Variants in CNOT1 observed in about 807,000 individuals in gnomAD.
CNOT1 encodes CCR4-NOT transcription complex subunit 1.
Under a neutral mutation model 273.8 loss-of-function variants are expected in CNOT1, and 15 were observed. The ratio of observed to expected loss-of-function variants is 0.05; its 90% CI spans 0.04 to 0.08. CNOT1 has a LOEUF of 0.08. CNOT1 is among the 10% of genes least tolerant of loss of function. The pLI, the probability that CNOT1 is intolerant of heterozygous loss-of-function variation, is 1.00. For synonymous variants in CNOT1, 1,022 were observed against 1,005.5 expected, an observed-to-expected ratio of 1.02 and a Z score of -0.31; for missense variants, 1,644 against 2,912.2, an observed-to-expected ratio of 0.56 and a Z score of 10.02.
At chr16:58,579,067 G>A in intron 12 of CNOT1, 128 bp from the exon 13 acceptor site, 1 of 1,451,668 alleles carries the variant, frequency 6.9e-7, no homozygotes. Context: ...TTAGAAGTTT[G>A]AAGTCCACAG....
At chr16:58,593,882 TA>T (rs1156946328) in intron 2 of CNOT1, among the ~76,000 whole-genome samples, 11 of 152,138 alleles carry the variant, frequency 7.2e-5, no homozygotes, top group African/African-American at 2.2e-4. Flanking sequence ...TATTTAGCCA[TA>T]AAAAGAAATG....
intron 39 of CNOT1, 43 bp downstream of exon 39, chr16:58,536,946 A>G (rs2039948936): frequency 6.2e-7 from 1 of 1,605,548 alleles, no homozygotes. Context: ...ATCACACCCT[A>G]CTTATGTTGA....
chr16:58,537,336 T>C (rs1029633797), intron 38 of CNOT1, 116 bp from the exon 39 acceptor site: 18 of 1,418,458 alleles, frequency 1.3e-5, no homozygotes, highest in Non-Finnish European at 1.7e-5. Context: ...ACCACTTCGC[T>C]TTACCACTTC....
At chr16:58,574,106 A>T (rs946663486) in intron 16 of CNOT1, among the ~76,000 whole-genome samples, 1 of 151,902 alleles carries the variant, frequency 6.6e-6, no homozygotes, top group African/African-American at 2.4e-5. Context: ...AAAAAAGAAG[A>T]AGAAGAAGAA....
intron 16 of CNOT1, among the ~76,000 whole-genome samples, chr16:58,562,104 G>A (rs1184352368): frequency 2.0e-5 from 3 of 151,776 alleles, no homozygotes; most frequent in African/African-American, 7.3e-5. Context: ...GGAGGCTGAG[G>A]CAGGAGAATT....
intron 1 of CNOT1, among the ~76,000 whole-genome samples, chr16:58,618,608 T>G (rs2043182188): frequency 6.6e-6 from 1 of 150,844 alleles, no homozygotes; most frequent in South Asian, 2.1e-4. Context: ...CAGGGCATGT[T>G]GGCGCACACT....
rs576448063 is a variant in CNOT1 at position 58,548,688 on chromosome 16, C to A, written c.3523-1006G>T. The A allele has an allele frequency of 1.3e-3, 620 of 469,904 alleles. 1 individual carries two copies. The highest frequency in any genetic ancestry group is 2.1e-3 in the Non-Finnish European group (510 of 239,410). The allele number at this position is 469,904 out of a possible 1,614,324, so 29.1% of individuals were successfully genotyped here. On this transcript the variant is annotated intron_variant, in intron 25 of 48. Coordinates refer to ENST00000317147, the MANE Select transcript of CNOT1 (RefSeq NM_016284.5). ...AGCAAAGAATGACCACAGCTGTATG[C>A]TGGTTCTAGAAGTTTTTCCTCCTAA... is the stretch of plus-strand genomic sequence containing the variant.
chr16:58,578,598 C>A, intron 13 of CNOT1, 101 bp downstream of exon 13: 1 of 1,490,342 alleles, frequency 6.7e-7, no homozygotes, highest in Non-Finnish European at 8.8e-7. Flanking sequence ...CATAATAATT[C>A]AGAGATGTAA....
At chr16:58,578,173 G>A (rs1374366689) in intron 13 of CNOT1, among the ~76,000 whole-genome samples, 1 of 152,068 alleles carries the variant, frequency 6.6e-6, no homozygotes, top group Non-Finnish European at 1.5e-5. Flanking sequence ...TTAAATATTG[G>A]CCGGGTGTGG....
At chr16:58,622,106 A>AAT (rs2043352484) in intron 1 of CNOT1, among the ~76,000 whole-genome samples, 2 of 150,578 alleles carry the variant, frequency 1.3e-5, no homozygotes, top group African/African-American at 2.4e-5. Context: ...AGGTCAGGAG[A>AAT]TCGAGACCAT....
chr16:58,588,950 C>CAAAAAA, intron 2 of CNOT1, 44 bp from the exon 3 acceptor site: 1 of 1,066,266 alleles, frequency 9.4e-7, no homozygotes, highest in South Asian at 1.9e-5. Context: ...GAAGATAAAA[C>CAAAAAA]AAAAAAAAAA....
chr16:58,542,375 C>T (rs936173033), intron 32 of CNOT1, 40 bp from the exon 33 acceptor site: 1 of 1,613,394 alleles, frequency 6.2e-7, no homozygotes, highest in Non-Finnish European at 8.5e-7. Flanking sequence ...TGTTATAAGG[C>T]ACTTCCCTAA....
intron 1 of CNOT1, among the ~76,000 whole-genome samples, chr16:58,626,009 A>G (rs1240976243): frequency 2.0e-5 from 3 of 152,208 alleles, no homozygotes; most frequent in African/African-American, 7.2e-5. Context: ...ATGGGATGCC[A>G]TTTTGAAACT....
intron 25 of CNOT1, among the ~76,000 whole-genome samples, chr16:58,549,278 C>T (rs1356421837): frequency 1.5e-5 from 2 of 131,290 alleles, no homozygotes. Context: ...CAGAGTGAGA[C>T]CACATCTCAA....
rs183061478 is a variant in CNOT1, at chr16:58,555,207, C to T, written c.2891+44G>A. The T allele has an allele frequency of 2.9e-4, 461 of 1,598,248 alleles. 1 individual carries two copies. The Middle Eastern group carries it at 3.2e-3, about 11-fold the overall frequency. On this transcript the variant is annotated intron_variant, in intron 21 of 48. Transcript: ENST00000317147. ...TGGATGAGAGTTAAGACCCTGTCTG[C>T]GGGGTCAGGGAAGAGATCCTTCACA...
At chr16:58,543,344 A>T in intron 31 of CNOT1, 1 of 1,549,220 alleles carries the variant, frequency 6.5e-7, no homozygotes. Flanking sequence ...TTTAAATCTT[A>T]ATTTATTTAA....
At position 58,588,867 on chromosome 16, in the gene CNOT1, A is replaced by C; in HGVS notation, c.142T>G (p.Leu48Val). 1.2e-6 allele frequency: 2 copies of C among 1,613,978 alleles called. No homozygotes were observed. Among genetic ancestry groups the C allele is most frequent in the Non-Finnish European group, 1.7e-6 (2 of 1,179,976 alleles). Residue 48 changes from leucine to valine, a missense_variant, in exon 3 of 49, where the codon TTA becomes GTA. By Grantham distance (32) the Leu-to-Val change is conservative. Transcript: ENST00000317147. The part of the protein sequence containing the change: ...RHGPEADRHL[L>V]RCLFSHVDFS... ...TCCACATGCGAAAATAGGCAGCGTA[A>C]TAAATGCCTGTCTGCCTCAGGACCG...
chr16:58,627,835 T>G (rs1326676684), intron 1 of CNOT1, among the ~76,000 whole-genome samples: 2 of 152,186 alleles, frequency 1.3e-5, no homozygotes, highest in Non-Finnish European at 1.5e-5. Flanking sequence ...GCCTTCATTC[T>G]AGACTTTTTT....
chr16:58,587,530 T>C, intron 4 of CNOT1, 117 bp from the exon 5 acceptor site: 2 of 1,395,092 alleles, frequency 1.4e-6, no homozygotes, highest in African/African-American at 1.4e-5. Context: ...TCTGTAGTGT[T>C]ACTAGAAACA....
Sources: gnomAD v4.1 joint callset for allele counts (sites outside exome capture counted in the v4.1 genomes callset) on GRCh38, gnomAD v4.1.1 for gene constraint, MANE v1.5 for transcripts, NCBI Gene and HGNC (gene_info 2026-07-23, HGNC 2026-07-21) for gene names.